Variants in CCDC178 observed in about 807,000 individuals in gnomAD.
CCDC178 encodes coiled-coil domain-containing protein 178.
In CCDC178, 126 loss-of-function variants were observed where a neutral mutation model predicts 117.4. The ratio of observed to expected loss-of-function variants is 1.07; its 90% CI spans 0.93 to 1.24. CCDC178 has a LOEUF of 1.24. Ranked by LOEUF, CCDC178 falls within the 50% of genes most tolerant of loss-of-function variation. CCDC178 has a pLI of 0.00. For missense variants in CCDC178, 1,030 were observed against 986.9 expected (o/e 1.04, Z -0.59); for synonymous variants, 283 against 313.4 (o/e 0.90, Z 1.02).
intron 21 of CCDC178, among the ~76,000 whole-genome samples, chr18:32,991,906 C>T (rs1209268330): frequency 6.6e-6 from 1 of 152,098 alleles, no homozygotes; most frequent in Non-Finnish European, 1.5e-5. Flanking sequence ...ATTGCTTTAC[C>T]TAAGGGATTA....
At chr18:33,174,924 A>G (rs1437762035) in intron 20 of CCDC178, among the ~76,000 whole-genome samples, 2 of 152,004 alleles carry the variant, frequency 1.3e-5, no homozygotes, top group African/African-American at 4.8e-5. Context: ...GCGTGATCTC[A>G]GCTCACTGCA....
chr18:33,415,544 C>G (rs1452495677), intron 2 of CCDC178, among the ~76,000 whole-genome samples: 1 of 149,736 alleles, frequency 6.7e-6, no homozygotes, highest in Non-Finnish European at 1.5e-5. Context: ...CACATCAGGG[C>G]CTGTCGTGGG....
chr18:33,161,846 C>A (rs1282881357), intron 20 of CCDC178, among the ~76,000 whole-genome samples: 1 of 152,092 alleles, frequency 6.6e-6, no homozygotes, highest in Non-Finnish European at 1.5e-5. Context: ...GGTTCCAAGT[C>A]TTTGCTATTG....
At chr18:33,332,769 A>C (rs1314548148) in intron 10 of CCDC178, among the ~76,000 whole-genome samples, 1 of 151,958 alleles carries the variant, frequency 6.6e-6, no homozygotes, top group Non-Finnish European at 1.5e-5. Flanking sequence ...ACAAGCCACC[A>C]CATCTGGCTA....
At chr18:33,167,163 C>T (rs1263408954) in intron 20 of CCDC178, among the ~76,000 whole-genome samples, 2 of 152,094 alleles carry the variant, frequency 1.3e-5, no homozygotes, top group Non-Finnish European at 2.9e-5. Context: ...ATCACATTTT[C>T]TTTATCCAGT....
intron 18 of CCDC178, among the ~76,000 whole-genome samples, chr18:33,218,140 C>T (rs1322865970): frequency 3.3e-5 from 5 of 152,012 alleles, no homozygotes; most frequent in Non-Finnish European, 7.4e-5. Context: ...ACACCTCTCT[C>T]TCATGGCCCA....
intron 21 of CCDC178, among the ~76,000 whole-genome samples, chr18:32,983,642 A>G (rs1018319100): frequency 6.6e-6 from 1 of 152,274 alleles, no homozygotes; most frequent in Non-Finnish European, 1.5e-5. Context: ...GAAGGTAGAT[A>G]GATAATAGCA....
intron 21 of CCDC178, among the ~76,000 whole-genome samples, chr18:33,014,121 C>T (rs1407461438): frequency 1.3e-5 from 2 of 152,194 alleles, no homozygotes; most frequent in Admixed American, 6.5e-5. Context: ...TTCAACTCCT[C>T]GTAAACCTGG....
chr18:32,960,806 T>G (rs1199474051), intron 22 of CCDC178, among the ~76,000 whole-genome samples: 1 of 152,150 alleles, frequency 6.6e-6, no homozygotes, highest in East Asian at 1.9e-4. Context: ...CTAATTATGT[T>G]CAAGATATTT....
chr18:33,178,633 T>G (rs1017069593), intron 20 of CCDC178, among the ~76,000 whole-genome samples: 11 of 152,170 alleles, frequency 7.2e-5, no homozygotes, highest in African/African-American at 2.7e-4. Flanking sequence ...TACATGGCCA[T>G]GCTGACTTTT....
rs528776245 is a variant in CCDC178 at position 33,155,156 on chromosome 18, C to A, written c.2238+56740G>T. On this transcript the variant is annotated intron_variant, in intron 20 of 22. Transcript: ENST00000383096. ...AAATTACAAAAATGAATTTGTACAA[C>A]GTATGTTCTCTGACCAACATAGACT... is the stretch of plus-strand genomic sequence containing the variant. Among the ~76,000 whole-genome samples, 79 of 152,098 alleles carry A rather than the reference C, an allele frequency of 5.2e-4. No individual in the cohort carries two copies. In the East Asian group the frequency reaches 0.014, roughly 28 times the overall value.
At chr18:33,350,501 A>G (rs1480095286) in intron 7 of CCDC178, among the ~76,000 whole-genome samples, 4 of 152,160 alleles carry the variant, frequency 2.6e-5, no homozygotes, top group African/African-American at 9.6e-5. Context: ...ATGAACTTTC[A>G]TGAATATTTT....
chr18:33,375,333 T>C (rs1174079396), intron 5 of CCDC178, among the ~76,000 whole-genome samples: 1 of 152,176 alleles, frequency 6.6e-6, no homozygotes, highest in Non-Finnish European at 1.5e-5. Flanking sequence ...AATCTTTTCC[T>C]CTACACTTTC....
chr18:32,991,325 G>A (rs534998599), intron 21 of CCDC178, among the ~76,000 whole-genome samples: 1 of 152,236 alleles, frequency 6.6e-6, no homozygotes, highest in East Asian at 1.9e-4. Flanking sequence ...GGTGTCAAAT[G>A]CACACTAATG....
At chr18:33,004,683 T>C (rs2055713379) in intron 21 of CCDC178, among the ~76,000 whole-genome samples, 1 of 152,006 alleles carries the variant, frequency 6.6e-6, no homozygotes. Flanking sequence ...AGACAACCCA[T>C]CGGATGGGTG....
intron 11 of CCDC178, among the ~76,000 whole-genome samples, chr18:33,293,952 T>C (rs149311277): frequency 1.3e-5 from 2 of 150,994 alleles, no homozygotes; most frequent in African/African-American, 4.9e-5. Context: ...AATACAGGGA[T>C]GGAAAGGTAA....
intron 2 of CCDC178, among the ~76,000 whole-genome samples, chr18:33,424,758 C>T (rs560436344): frequency 6.6e-6 from 1 of 152,298 alleles, no homozygotes; most frequent in South Asian, 2.1e-4. Flanking sequence ...CTAGAGCAGA[C>T]AGCTCAGAAT....
chr18:33,351,685 G>A (rs914396165), intron 7 of CCDC178, among the ~76,000 whole-genome samples: 1 of 152,100 alleles, frequency 6.6e-6, no homozygotes, highest in East Asian at 1.9e-4. Flanking sequence ...TAAGACTACT[G>A]GCATGCGCCA....
chr18:33,155,855 G>C (rs906684817), intron 20 of CCDC178, among the ~76,000 whole-genome samples: 3 of 151,906 alleles, frequency 2.0e-5, no homozygotes, highest in Admixed American at 1.3e-4. Flanking sequence ...CATTACTGGG[G>C]GTATTTCATG....
Sources: gnomAD v4.1 joint callset for allele counts (sites outside exome capture counted in the v4.1 genomes callset) on GRCh38, gnomAD v4.1.1 for gene constraint, MANE v1.5 for transcripts, NCBI Gene and HGNC (gene_info 2026-07-23, HGNC 2026-07-21) for gene names.